EFCAB6: variants seen among roughly 807,000 people sequenced by gnomAD.
EFCAB6 encodes the protein EF-hand calcium binding domain 6.
In EFCAB6, 156 loss-of-function variants were observed where a neutral mutation model predicts 169.8. The observed-to-expected ratio is 0.92, with a 90% confidence interval of 0.81 to 1.05. EFCAB6 has a LOEUF of 1.05. Among genes scored for constraint, EFCAB6 ranks in the 50% least tolerant of loss-of-function variants. The probability of loss-of-function intolerance (pLI) is 0.00; values close to 1 mark genes in which losing one functional copy is unlikely to be tolerated. For synonymous variants in EFCAB6, 698 were observed against 676.4 expected (o/e 1.03, Z -0.50); for missense variants, 1,800 against 1,829.1 (o/e 0.98, Z 0.29).
At chr22:43,690,321 A>C (rs565406534) in intron 10 of EFCAB6, among the ~76,000 whole-genome samples, 9 of 134,528 alleles carry the variant, frequency 6.7e-5, no homozygotes, top group African/African-American at 2.6e-4. Context: ...AATAGGGTGA[A>C]ACCCCGTCTC....
In EFCAB6 at chr22:43,600,088, C is replaced by G. The variant is rs767728638; in HGVS notation, c.2857G>C (p.Glu953Gln). The change falls in exon 23 of 32, where the codon GAG (glutamate) becomes CAG (glutamine). Residue 953 changes from glutamate to glutamine, a missense_variant. Physicochemically the swap from Glu to Gln is conservative, Grantham distance 29 (BLOSUM62 2). Transcript: ENST00000262726. ...EEMKELQQST[E>Q]KAVAARDKLM... ...ACTCACCTGGCTGCCACAGCCTTCTCTGTGCTCTGCTGCAGCTCCTTCATC... is the reference window on the plus strand; with the variant it reads ...ACTCACCTGGCTGCCACAGCCTTCTGTGTGCTCTGCTGCAGCTCCTTCATC... 22 of 1,613,822 alleles carry G rather than the reference C, an allele frequency of 1.4e-5. No homozygotes were observed. Among genetic ancestry groups the G allele is most frequent in the Admixed American group, 6.7e-5 (4 of 59,986 alleles).
intron 17 of EFCAB6, among the ~76,000 whole-genome samples, chr22:43,652,913 C>T (rs1394513755): frequency 6.6e-6 from 1 of 151,830 alleles, no homozygotes; most frequent in Non-Finnish European, 1.5e-5. Flanking sequence ...TAAAAATAAC[C>T]TAATGAGCAT....
intron 26 of EFCAB6, among the ~76,000 whole-genome samples, chr22:43,560,597 T>C (rs117480945): frequency 6.6e-6 from 1 of 152,172 alleles, no homozygotes; most frequent in Admixed American, 6.5e-5. Context: ...ATGGCCCTGG[T>C]TGGGGTGGCC....
intron 4 of EFCAB6, among the ~76,000 whole-genome samples, chr22:43,769,927 T>C (rs900174461): frequency 1.3e-5 from 2 of 151,826 alleles, no homozygotes; most frequent in Non-Finnish European, 2.9e-5. Context: ...CCATCTCGGC[T>C]CACCACAAAC....
intron 15 of EFCAB6, among the ~76,000 whole-genome samples, 166 bp downstream of exon 15, chr22:43,671,807 T>A (rs994429988): frequency 6.6e-6 from 1 of 152,184 alleles, no homozygotes; most frequent in Non-Finnish European, 1.5e-5. Context: ...ATATAATGCA[T>A]GTCAAACTCT....
intron 4 of EFCAB6, among the ~76,000 whole-genome samples, chr22:43,767,521 G>C (rs1163233202): frequency 6.6e-6 from 1 of 152,172 alleles, no homozygotes; most frequent in East Asian, 1.9e-4. Context: ...TACATTTGCA[G>C]AGCTCACACT....
Position 43,731,884 on chromosome 22 carries a change from C to CT in EFCAB6, c.645-74dup, listed in dbSNP as rs1452528284. 13 of 800,852 alleles carry CT rather than the reference C, an allele frequency of 1.6e-5. No homozygotes were observed. The Middle Eastern group carries it at 2.1e-3, about 128-fold the overall frequency. The allele number at this position is 800,852 out of a possible 1,614,324, so 49.6% of individuals were successfully genotyped here. A position where few individuals can be genotyped will look rare whatever the true frequency, so the allele number is the denominator to read the frequency against. On this transcript the variant is annotated intron_variant, in intron 7 of 31. Coordinates refer to ENST00000262726, the MANE Select transcript of EFCAB6 (RefSeq NM_022785.4). ...GAAGCAAGTTTGTTACTAAGGTATC[C>CT]TTTACACTCGGGCTGGCATTAATTT... is the stretch of plus-strand genomic sequence containing the variant.
intron 5 of EFCAB6, among the ~76,000 whole-genome samples, 189 bp downstream of exon 5, chr22:43,765,116 T>C (rs1000790943): frequency 1.3e-5 from 2 of 152,196 alleles, no homozygotes; most frequent in Non-Finnish European, 2.9e-5. Context: ...ATACATCCTA[T>C]ATAGATGCTA....
chr22:43,692,654 A>G (rs2058450573), intron 10 of EFCAB6, among the ~76,000 whole-genome samples: 2 of 152,156 alleles, frequency 1.3e-5, no homozygotes, highest in Non-Finnish European at 1.5e-5. Flanking sequence ...AGAGTGAGTG[A>G]ACTTAAATAT....
intron 12 of EFCAB6, among the ~76,000 whole-genome samples, chr22:43,679,317 T>C (rs1349354037): frequency 2.0e-5 from 3 of 152,242 alleles, no homozygotes; most frequent in Non-Finnish European, 4.4e-5. Flanking sequence ...TGTTGTAGCA[T>C]ATATCAGTAT....
rs146670567 is a variant in EFCAB6 at position 43,747,406 on chromosome 22, G to A, written c.507+8360C>T. Among the ~76,000 whole-genome samples, 154 of 152,290 alleles carry A rather than the reference G, an allele frequency of 1.0e-3. 1 individual carries two copies. In the Middle Eastern group the frequency reaches 0.02, roughly 20 times the overall value. ...GAACAGCACTGGAGAAGCTGGGGCC[G>A]GCTCTGGGGGACCAAATCTGCAGGA... On this transcript the variant is annotated intron_variant, in intron 6 of 31. Coordinates refer to ENST00000262726, the MANE Select transcript of EFCAB6 (RefSeq NM_022785.4).
At chr22:43,684,027 T>C (rs1381961858) in intron 11 of EFCAB6, among the ~76,000 whole-genome samples, 172 bp from the exon 12 acceptor site, 1 of 152,342 alleles carries the variant, frequency 6.6e-6, no homozygotes, top group East Asian at 1.9e-4. Context: ...CCTCAGTTAC[T>C]GTGATCAGAG....
chr22:43,731,200 G>A (rs1038943641), intron 8 of EFCAB6, among the ~76,000 whole-genome samples: 2 of 152,152 alleles, frequency 1.3e-5, no homozygotes, highest in Non-Finnish European at 2.9e-5. Context: ...CTGTTCGCAC[G>A]AGGAAACACG....
At chr22:43,715,630 T>C (rs1020058821) in intron 9 of EFCAB6, among the ~76,000 whole-genome samples, 1 of 152,206 alleles carries the variant, frequency 6.6e-6, no homozygotes, top group Non-Finnish European at 1.5e-5. Flanking sequence ...CTTCTATACA[T>C]GAATAAAGAG....
chr22:43,783,735 G>A (rs967625899), intron 2 of EFCAB6, among the ~76,000 whole-genome samples: 3 of 152,140 alleles, frequency 2.0e-5, no homozygotes, highest in African/African-American at 7.2e-5. Context: ...ATGAGAATAT[G>A]ATTTCCACAA....
Position 43,626,675 on chromosome 22 carries a change from G to C in EFCAB6, c.2237C>G (p.Pro746Arg), listed in dbSNP as rs751624469. ...ATCTGTTTTAAAGAAGGCAGAGTAG[G>C]GGTCCTAAAAACAAAACACACACGT... ...PRRLKESFRD[P>R]YSAFFKTDAD... Residue 746 changes from proline (P) to arginine (R), a missense_variant, in exon 20 of 32, where the codon CCC (proline) becomes CGC (arginine). Pro to Arg is a moderately radical substitution (Grantham distance 103). Coordinates refer to ENST00000262726, the MANE Select transcript of EFCAB6 (RefSeq NM_022785.4). The C allele has an allele frequency of 1.9e-6, 3 of 1,614,064 alleles. No individual in the cohort carries two copies. The highest frequency in any genetic ancestry group is 2.5e-6 in the Non-Finnish European group (3 of 1,180,018).
chr22:43,592,059 T>C (rs1483828486), intron 23 of EFCAB6, among the ~76,000 whole-genome samples: 1 of 152,190 alleles, frequency 6.6e-6, no homozygotes. Context: ...TTGGTGGTAA[T>C]TGTCTACCAC....
At chr22:43,529,070 G>A in intron 31 of EFCAB6, 95 bp from the exon 32 acceptor site, 3 of 1,360,542 alleles carry the variant, frequency 2.2e-6, no homozygotes, top group Non-Finnish European at 3.0e-6. Context: ...ACATCCACCT[G>A]ATCCCCAACC....
chr22:43,530,261 CT>C (rs1450502373), intron 31 of EFCAB6, among the ~76,000 whole-genome samples: 9 of 152,220 alleles, frequency 5.9e-5, no homozygotes, highest in Non-Finnish European at 1.2e-4. Context: ...GAGATTTATA[CT>C]TAACCCCGAA....
Sources: allele counts gnomAD v4.1 joint callset (sites outside exome capture counted in the v4.1 genomes callset), GRCh38; gene constraint gnomAD v4.1.1; transcripts MANE v1.5; gene names NCBI Gene and HGNC (gene_info 2026-07-23, HGNC 2026-07-21).